Variants in COPS2 observed in about 807,000 individuals in gnomAD.
COPS2 encodes COP9 signalosome subunit 2, also known as COP9 signalosome complex subunit 2.
In COPS2, 10 loss-of-function variants were observed where a neutral mutation model predicts 66.1. The observed-to-expected ratio is 0.15, with a 90% CI of 0.09 to 0.26. COPS2 has a LOEUF of 0.26. Ranked by LOEUF, COPS2 falls within the 10% of genes least tolerant of loss-of-function variation. COPS2 has a pLI of 1.00. For synonymous variants in COPS2, 179 were observed against 171.3 expected, an observed-to-expected ratio of 1.04 and a Z score of -0.35; for missense variants, 215 against 513.3, an observed-to-expected ratio of 0.42 and a Z score of 5.62.
chr15:49,145,082 T>C lies in COPS2; in HGVS notation c.55-4A>G, dbSNP rs1237590736. 1 of 1,409,832 alleles carries C rather than the reference T, an allele frequency of 7.1e-7. No individual in the cohort carries two copies. Among genetic ancestry groups the C allele is most frequent in the Non-Finnish European group, 9.7e-7 (1 of 1,032,526 alleles). The allele number at this position is 1,409,832 out of a possible 1,614,324, so 87.3% of individuals were successfully genotyped here. On this transcript the variant is annotated splice_region_variant and splice_polypyrimidine_tract_variant and intron_variant, in intron 1 of 12. Transcript: ENST00000388901. ...AGTTACTATCTTCAGAGTATTCCTG[T>C]GTTGGAAAGAAAGAAATATTAAAAG...
intron 1 of COPS2, among the ~76,000 whole-genome samples, chr15:49,153,324 A>T (rs1337619216): frequency 6.6e-6 from 1 of 152,180 alleles, no homozygotes; most frequent in Non-Finnish European, 1.5e-5. Flanking sequence ...TACATGAAAA[A>T]AAAAAAGGTC....
At chr15:49,148,350 C>T (rs2084336235) in intron 1 of COPS2, among the ~76,000 whole-genome samples, 2 of 152,006 alleles carry the variant, frequency 1.3e-5, no homozygotes, top group South Asian at 2.1e-4. Flanking sequence ...AGTCCACTGG[C>T]ATCTCAAAAA....
chr15:49,131,936 G>T (rs549661110), intron 9 of COPS2, among the ~76,000 whole-genome samples: 2 of 152,064 alleles, frequency 1.3e-5, no homozygotes, highest in Admixed American at 6.6e-5. Context: ...CTAATACAGT[G>T]GCTTTGCTGG....
chr15:49,124,781 G>A lies in COPS2; in HGVS notation c.*3169C>T, dbSNP rs2084152037. On this transcript the variant is annotated 3_prime_UTR_variant, in exon 13 of 13. Transcript: ENST00000388901. ...CACTTCAAAAATCTAAATCAAAAGA[G>A]AAATTTTCAGGTTTAAAAGTGACTA... 1 of 152,036 alleles carries A rather than the reference G, an allele frequency of 6.6e-6. No homozygotes were observed. Among genetic ancestry groups the A allele is most frequent in the East Asian group, 1.9e-4 (1 of 5,196 alleles). 9.4% of individuals were successfully genotyped at this position (152,036 alleles called of 1,614,324 possible).
intron 3 of COPS2, among the ~76,000 whole-genome samples, chr15:49,143,576 A>G (rs1430414463): frequency 2.0e-5 from 3 of 152,260 alleles, no homozygotes; most frequent in Non-Finnish European, 4.4e-5. Flanking sequence ...AGAAGAGTTA[A>G]GCATAATGCT....
intron 1 of COPS2, among the ~76,000 whole-genome samples, chr15:49,148,914 G>A (rs2084339503): frequency 6.6e-6 from 1 of 152,166 alleles, no homozygotes; most frequent in African/African-American, 2.4e-5. Context: ...ACTCAGAATA[G>A]GAAATCTAGA....
At chr15:49,129,619 A>G (rs1396993916) in intron 10 of COPS2, 60 bp from the exon 11 acceptor site, 3 of 773,420 alleles carry the variant, frequency 3.9e-6, no homozygotes, top group Non-Finnish European at 4.0e-6. Flanking sequence ...ATCTTTATGG[A>G]TCATTATGTA....
chr15:49,148,484 G>A (rs1267195524), intron 1 of COPS2, among the ~76,000 whole-genome samples: 5 of 152,168 alleles, frequency 3.3e-5, no homozygotes, highest in Admixed American at 6.5e-5. Context: ...ACATGCAAAT[G>A]CAAGGAAGCT....
Position 49,125,566 on chromosome 15 carries a change from A to C in COPS2, c.*2384T>G, listed in dbSNP as rs1044542229. 1 of 152,168 alleles carries C rather than the reference A, an allele frequency of 6.6e-6. No individual in the cohort carries two copies. The highest frequency in any genetic ancestry group is 2.4e-5 in the African/African-American group (1 of 41,464). 9.4% of individuals were successfully genotyped at this position (152,168 alleles called of 1,614,324 possible). A position where few individuals can be genotyped will look rare whatever the true frequency, so the allele number is the denominator to read the frequency against. On this transcript the variant is annotated 3_prime_UTR_variant, in exon 13 of 13. Coordinates refer to ENST00000388901, the MANE Select transcript of COPS2 (RefSeq NM_004236.4). Reference sequence around the variant, plus strand: ...CCCCTAAATTTATATTTCGATAAGCAATCTCTAAGATTTCAACTCTACAAT... The same window carrying C: ...CCCCTAAATTTATATTTCGATAAGCCATCTCTAAGATTTCAACTCTACAAT...
intron 9 of COPS2, 67 bp from the exon 10 acceptor site, chr15:49,130,883 A>G (rs1038196391): frequency 1.6e-4 from 120 of 774,102 alleles, no homozygotes; most frequent in Non-Finnish European, 2.3e-4. Flanking sequence ...CAGATAATCC[A>G]AAGACCCTGC....
intron 2 of COPS2, 112 bp downstream of exon 2, chr15:49,144,853 G>A (rs899258037): frequency 1.7e-6 from 1 of 600,402 alleles, no homozygotes; most frequent in Non-Finnish European, 2.9e-6. Context: ...TAACTGATAG[G>A]ATAATTAAGT....
intron 1 of COPS2, among the ~76,000 whole-genome samples, chr15:49,149,427 T>G (rs1309634961): frequency 6.6e-6 from 1 of 152,224 alleles, no homozygotes; most frequent in Admixed American, 6.5e-5. Flanking sequence ...TAAATTTTTT[T>G]TCTCAGTCAT....
intron 9 of COPS2, among the ~76,000 whole-genome samples, chr15:49,131,806 C>T (rs968602236): frequency 5.9e-5 from 9 of 152,032 alleles, no homozygotes; most frequent in Non-Finnish European, 8.8e-5. Flanking sequence ...ATATTTTAAC[C>T]GTAAGACATT....
In COPS2 at chr15:49,126,952, G is replaced by A. The variant is rs1490277625; in HGVS notation, c.*998C>T. The stretch of plus-strand genomic sequence containing the variant: ...TAAAAGAGTAAACTCAGCAGGTTTT[G>A]GGCAATGGTAGATTGCTGGCATTAG... On this transcript the variant is annotated 3_prime_UTR_variant, in exon 13 of 13. Transcript: ENST00000388901. The A allele has an allele frequency of 6.6e-6, 1 of 152,080 alleles. No individual in the cohort carries two copies. The highest frequency in any genetic ancestry group is 6.5e-5 in the Admixed American group (1 of 15,270). 9.4% of individuals were successfully genotyped at this position (152,080 alleles called of 1,614,324 possible).
intron 9 of COPS2, among the ~76,000 whole-genome samples, chr15:49,132,980 T>C (rs532358844): frequency 2.7e-4 from 39 of 146,624 alleles, no homozygotes; most frequent in African/African-American, 9.2e-4. Context: ...AAATTATCCA[T>C]TGTAAACATT....
At chr15:49,131,574 A>C (rs770040794) in intron 9 of COPS2, among the ~76,000 whole-genome samples, 3 of 151,826 alleles carry the variant, frequency 2.0e-5, no homozygotes, top group Non-Finnish European at 4.4e-5. Context: ...TAGTGCTTCC[A>C]TCTGTTGGGT....
At chr15:49,142,694 C>T (rs963627640) in intron 3 of COPS2, among the ~76,000 whole-genome samples, 2 of 152,206 alleles carry the variant, frequency 1.3e-5, no homozygotes. Flanking sequence ...CCTATCATCT[C>T]CTGATCCTTT....
chr15:49,130,228 G>A (rs2084198123), intron 10 of COPS2, among the ~76,000 whole-genome samples: 1 of 152,094 alleles, frequency 6.6e-6, no homozygotes, highest in Admixed American at 6.6e-5. Flanking sequence ...AAGTCCAAGA[G>A]CAAAGAGATG....
intron 3 of COPS2, among the ~76,000 whole-genome samples, chr15:49,140,803 C>T (rs1292604944): frequency 6.6e-6 from 1 of 151,262 alleles, no homozygotes; most frequent in Non-Finnish European, 1.5e-5. Flanking sequence ...ATGCTTCTTT[C>T]CTTGACTAAC....
Sources: allele counts gnomAD v4.1 joint callset (sites outside exome capture counted in the v4.1 genomes callset), GRCh38; gene constraint gnomAD v4.1.1; transcripts MANE v1.5; gene names NCBI Gene and HGNC (gene_info 2026-07-23, HGNC 2026-07-21).